The following SPOCK3 variants were observed in gnomAD, a reference collection of about 807,000 sequenced individuals.
SPOCK3 encodes SPARC (osteonectin), cwcv and kazal like domains proteoglycan 3.
A neutral mutation model predicts 56.6 loss-of-function variants in SPOCK3; 30 were observed. That is an observed-to-expected ratio of 0.53 (90% confidence interval 0.40 to 0.72). The LOEUF (loss-of-function observed/expected upper bound fraction) is 0.72, where lower values mean the gene tolerates loss of function less well. Among genes scored for constraint, SPOCK3 ranks in the 30% least tolerant of loss-of-function variants. The pLI is 0.00. For synonymous variants in SPOCK3, 196 were observed against 183.3 expected, an observed-to-expected ratio of 1.07 and a Z score of -0.56; for missense variants, 527 against 530.0, an observed-to-expected ratio of 0.99 and a Z score of 0.06.
chr4:166,773,606 G>T (rs1288334251), intron 7 of SPOCK3, among the ~76,000 whole-genome samples: 2 of 151,998 alleles, frequency 1.3e-5, no homozygotes, highest in African/African-American at 4.8e-5. Context: ...TTCTTCTTAT[G>T]TTCTTTTACT....
intron 2 of SPOCK3, among the ~76,000 whole-genome samples, chr4:167,196,265 T>G (rs963178147): frequency 6.6e-6 from 1 of 152,132 alleles, no homozygotes; most frequent in Non-Finnish European, 1.5e-5. Context: ...TATTTTGGGG[T>G]TTTATTTTCA....
chr4:166,929,338 G>A (rs1159276219), intron 4 of SPOCK3, among the ~76,000 whole-genome samples: 2 of 152,100 alleles, frequency 1.3e-5, no homozygotes, highest in Admixed American at 1.3e-4. Context: ...TGATTTTCAT[G>A]CATATTCTAA....
chr4:166,937,933 T>G (rs1446069831), intron 4 of SPOCK3, among the ~76,000 whole-genome samples: 3 of 86,150 alleles, frequency 3.5e-5, no homozygotes, highest in African/African-American at 1.1e-4. Context: ...CCGGCTAATC[T>G]CTTTTTTTTT....
intron 3 of SPOCK3, among the ~76,000 whole-genome samples, chr4:167,042,999 CA>C (rs1753368604): frequency 6.6e-6 from 1 of 152,044 alleles, no homozygotes; most frequent in Non-Finnish European, 1.5e-5. Context: ...GTTCTCTCTT[CA>C]ATAGCAACCT....
At chr4:167,009,124 T>C (rs1460784428) in intron 3 of SPOCK3, among the ~76,000 whole-genome samples, 1 of 152,112 alleles carries the variant, frequency 6.6e-6, no homozygotes, top group Non-Finnish European at 1.5e-5. Context: ...ATAATGTCTG[T>C]CCCATATCCA....
At chr4:167,072,286 C>T (rs1323597802) in intron 2 of SPOCK3, among the ~76,000 whole-genome samples, 1 of 152,076 alleles carries the variant, frequency 6.6e-6, no homozygotes, top group Non-Finnish European at 1.5e-5. Context: ...GGCCTATGGG[C>T]CAGGCCCACA....
intron 6 of SPOCK3, among the ~76,000 whole-genome samples, chr4:166,865,763 G>A (rs1268738794): frequency 1.3e-5 from 2 of 152,058 alleles, no homozygotes; most frequent in African/African-American, 4.8e-5. Flanking sequence ...ACAAACCACA[G>A]CTCAAGGAAA....
chr4:167,039,195 C>A (rs565218189), intron 3 of SPOCK3, among the ~76,000 whole-genome samples: 1 of 152,256 alleles, frequency 6.6e-6, no homozygotes, highest in East Asian at 1.9e-4. Context: ...TGGCCTTGTC[C>A]TTGTGTGTCT....
At chr4:166,802,308 C>T (rs1265330770) in intron 6 of SPOCK3, among the ~76,000 whole-genome samples, 1 of 152,004 alleles carries the variant, frequency 6.6e-6, no homozygotes, top group Non-Finnish European at 1.5e-5. Context: ...ACAAGAATAG[C>T]ATGAATGAAG....
chr4:167,189,218 T>C lies in SPOCK3; in HGVS notation c.189+44767A>G, dbSNP rs980226959. ...TGTTAGCAAATAACACCCAACAATA[T>C]ATAATAAGAAAAGTACACTAGACAA... is the stretch of plus-strand genomic sequence containing the variant. On this transcript the variant is annotated intron_variant, in intron 2 of 10. Transcript: ENST00000357545. 2.1e-5 allele frequency among the ~76,000 whole-genome samples: 3 copies of C among 145,768 alleles called. 1 individual carries two copies. The highest frequency in any genetic ancestry group is 1.4e-4 in the Admixed American group (2 of 14,246).
chr4:167,205,335 TATATATTA>T (rs1734032867), intron 2 of SPOCK3, among the ~76,000 whole-genome samples: 1 of 42,776 alleles, frequency 2.3e-5, no homozygotes, highest in South Asian at 5.6e-4. Flanking sequence ...TAATATATAT[TATATATTA>T]TATATATAAT....
chr4:167,123,784 C>T (rs994331544), intron 2 of SPOCK3, among the ~76,000 whole-genome samples: 1 of 147,222 alleles, frequency 6.8e-6, no homozygotes, highest in African/African-American at 2.5e-5. Context: ...TCCTCTGTTA[C>T]CCAGGCTGGA....
chr4:167,152,231 G>C (rs1764488142), intron 2 of SPOCK3, among the ~76,000 whole-genome samples: 5 of 152,198 alleles, frequency 3.3e-5, no homozygotes, highest in Admixed American at 3.3e-4. Flanking sequence ...ATTCCAAGCT[G>C]AAGTATACCG....
chr4:167,147,974 A>G (rs1037462250), intron 2 of SPOCK3, among the ~76,000 whole-genome samples: 1 of 152,198 alleles, frequency 6.6e-6, no homozygotes, highest in African/African-American at 2.4e-5. Flanking sequence ...GAAAGAAAGA[A>G]AGAAAGATCA....
intron 3 of SPOCK3, among the ~76,000 whole-genome samples, chr4:167,061,738 G>A (rs557885109): frequency 2.6e-5 from 4 of 151,798 alleles, no homozygotes; most frequent in African/African-American, 4.8e-5. Flanking sequence ...TCTTTTGCAC[G>A]GTTACTATAT....
At chr4:167,224,310 G>GA in intron 2 of SPOCK3, among the ~76,000 whole-genome samples, 1 of 151,984 alleles carries the variant, frequency 6.6e-6, no homozygotes, top group Non-Finnish European at 1.5e-5. Flanking sequence ...AGGAATCCAT[G>GA]AAAAAATAGT....
chr4:167,141,909 TCTAA>T (rs1266890732), intron 2 of SPOCK3, among the ~76,000 whole-genome samples: 1 of 151,558 alleles, frequency 6.6e-6, no homozygotes, highest in Non-Finnish European at 1.5e-5. Context: ...AAAGAAAAAA[TCTAA>T]CTGTCTTTCA....
At chr4:167,227,142 A>C (rs1053999407) in intron 2 of SPOCK3, among the ~76,000 whole-genome samples, 5 of 152,260 alleles carry the variant, frequency 3.3e-5, no homozygotes, top group Admixed American at 3.3e-4. Flanking sequence ...GGAACTGTGG[A>C]AAAAAGAATT....
At chr4:167,046,450 C>CTTTTTTTTTTTTTTTTTTTTTT (rs67108499) in intron 3 of SPOCK3, among the ~76,000 whole-genome samples, 11 of 53,700 alleles carry the variant, frequency 2.0e-4, no homozygotes, top group Non-Finnish European at 3.0e-4. Flanking sequence ...TTCTGATATT[C>CTTTTTTTTTTTTTTTTTTTTTT]TTTTTTTTTT....
Sources: allele counts gnomAD v4.1 joint callset (sites outside exome capture counted in the v4.1 genomes callset), GRCh38; gene constraint gnomAD v4.1.1; transcripts MANE v1.5; gene names NCBI Gene and HGNC (gene_info 2026-07-23, HGNC 2026-07-21).